The following NFIB variants were observed in gnomAD, a reference collection of about 807,000 sequenced individuals.
NFIB encodes the protein nuclear factor 1 B-type.
NFIB carries 11 observed loss-of-function variants against 61.5 expected under a neutral mutation model. The ratio of observed to expected loss-of-function variants is 0.18; its 90% CI spans 0.11 to 0.30. NFIB has a LOEUF of 0.30. Ranked by LOEUF, NFIB falls within the 10% of genes least tolerant of loss-of-function variation. The probability of loss-of-function intolerance (pLI) is 1.00; values close to 1 mark genes in which losing one functional copy is unlikely to be tolerated. For synonymous variants in NFIB, 260 were observed against 216.5 expected (o/e 1.20, Z -1.76); for missense variants, 471 against 608.9 (o/e 0.77, Z 2.38).
At chr9:14,398,661 G>A in exon 1 of NFIB, 1 of 1,457,210 alleles carries the variant, frequency 6.9e-7, no homozygotes, top group South Asian at 1.3e-5. Context: ...CAAGAAGCCT[G>A]TAGGCTCTGC....
At chr9:14,227,855 G>A (rs1318476390) in intron 2 of NFIB, among the ~76,000 whole-genome samples, 1 of 152,090 alleles carries the variant, frequency 6.6e-6, no homozygotes, top group African/African-American at 2.4e-5. Flanking sequence ...CTGAACCTCT[G>A]GAGTCTAAGC....
At chr9:14,465,907 C>G in the NFIB span, among the ~76,000 whole-genome samples, 1 of 152,142 alleles carries the variant, frequency 6.6e-6, no homozygotes, top group Non-Finnish European at 1.5e-5. Context: ...CGAAATGTGT[C>G]CAGACAGTGC....
chr9:14,276,389 A>T (rs1230869861), intron 2 of NFIB, among the ~76,000 whole-genome samples: 1 of 152,210 alleles, frequency 6.6e-6, no homozygotes, highest in Non-Finnish European at 1.5e-5. Context: ...ATGAGGTATA[A>T]CTTAAACAGC....
chr9:14,422,230 T>C, the NFIB span, among the ~76,000 whole-genome samples: 1 of 152,224 alleles, frequency 6.6e-6, no homozygotes, highest in Admixed American at 6.5e-5. Context: ...CAGATCCTTA[T>C]GGAAACTTTC....
At chr9:14,310,454 C>A (rs2060227081) in intron 1 of NFIB, among the ~76,000 whole-genome samples, 1 of 152,076 alleles carries the variant, frequency 6.6e-6, no homozygotes, top group African/African-American at 2.4e-5. Context: ...ATGTCATCTC[C>A]CAAGTGTGAC....
intron 1 of NFIB, among the ~76,000 whole-genome samples, chr9:14,369,904 T>C (rs1193943846): frequency 6.6e-6 from 1 of 152,174 alleles, no homozygotes; most frequent in African/African-American, 2.4e-5. Flanking sequence ...CTAGAGCAGA[T>C]CAGACATTCT....
At chr9:14,180,109 A>T (rs998423215) in intron 2 of NFIB, among the ~76,000 whole-genome samples, 15 of 152,248 alleles carry the variant, frequency 9.9e-5, no homozygotes, top group African/African-American at 3.6e-4. Flanking sequence ...GTCAGTAGCA[A>T]TATGAAATAA....
chr9:14,247,914 C>T (rs1215051388), intron 2 of NFIB, among the ~76,000 whole-genome samples: 4 of 150,974 alleles, frequency 2.6e-5, no homozygotes, highest in Non-Finnish European at 5.9e-5. Flanking sequence ...TACACAGTAT[C>T]TACTAATTTT....
At chr9:14,204,836 A>C in intron 2 of NFIB, 1 of 465,350 alleles carries the variant, frequency 2.1e-6, no homozygotes, top group Non-Finnish European at 4.0e-6. Flanking sequence ...CCACAGGAAG[A>C]CCTGCACCAC....
At chr9:14,467,200 A>G in the NFIB span, among the ~76,000 whole-genome samples, 6 of 152,176 alleles carry the variant, frequency 3.9e-5, no homozygotes, top group African/African-American at 1.4e-4. Context: ...TTAGGGCACC[A>G]CAGGCTGTCC....
At chr9:14,178,401 T>A (rs1013770543) in intron 3 of NFIB, among the ~76,000 whole-genome samples, 2 of 152,120 alleles carry the variant, frequency 1.3e-5, no homozygotes, top group African/African-American at 4.8e-5. Context: ...TAAATTTAAC[T>A]GGGAATTACA....
At chr9:14,246,306 G>T (rs1205453507) in intron 2 of NFIB, among the ~76,000 whole-genome samples, 1 of 152,058 alleles carries the variant, frequency 6.6e-6, no homozygotes, top group South Asian at 2.1e-4. Context: ...CCATTAGATG[G>T]GAGGAAGCTC....
the NFIB span, among the ~76,000 whole-genome samples, chr9:14,454,114 G>A: frequency 2.0e-5 from 3 of 152,128 alleles, no homozygotes; most frequent in Non-Finnish European, 2.9e-5. Flanking sequence ...CAAACATATA[G>A]GTAGTGTAAA....
At chr9:14,106,181 C>G (rs2036525811) in intron 10 of NFIB, among the ~76,000 whole-genome samples, 1 of 152,036 alleles carries the variant, frequency 6.6e-6, no homozygotes, top group African/African-American at 2.4e-5. Flanking sequence ...GAAATTCAGT[C>G]TGTTAGAATT....
At chr9:14,245,798 G>A (rs761239708) in intron 2 of NFIB, among the ~76,000 whole-genome samples, 29 of 152,094 alleles carry the variant, frequency 1.9e-4, no homozygotes, top group East Asian at 9.7e-4. Context: ...GCTTGAACCC[G>A]GGAGGCAGAC....
chr9:14,455,610 A>G, the NFIB span, among the ~76,000 whole-genome samples: 1 of 152,190 alleles, frequency 6.6e-6, no homozygotes, highest in Non-Finnish European at 1.5e-5. Flanking sequence ...CAGGTGGCAG[A>G]CTGCAGAATG....
intron 2 of NFIB, among the ~76,000 whole-genome samples, chr9:14,269,563 T>G (rs2057451234): frequency 6.6e-6 from 1 of 152,206 alleles, no homozygotes; most frequent in Admixed American, 6.5e-5. Context: ...ACATATGTGT[T>G]CTTACCATCT....
chr9:14,372,943 G>C (rs1231792506), intron 1 of NFIB, among the ~76,000 whole-genome samples: 5 of 151,832 alleles, frequency 3.3e-5, no homozygotes, highest in Admixed American at 2.0e-4. Context: ...CAGCAACTGA[G>C]AAGCTTAGAT....
chr9:14,112,171 C>G (rs924839403), intron 10 of NFIB, among the ~76,000 whole-genome samples: 1 of 152,228 alleles, frequency 6.6e-6, no homozygotes, highest in South Asian at 2.1e-4. Context: ...TTTCAAACTG[C>G]TCTGCTATCA....
Sources: allele counts gnomAD v4.1 joint callset (sites outside exome capture counted in the v4.1 genomes callset), GRCh38; gene constraint gnomAD v4.1.1; transcripts MANE v1.5; gene names NCBI Gene and HGNC (gene_info 2026-07-23, HGNC 2026-07-21).